The following CCDC39 variants were observed in gnomAD, a reference collection of about 807,000 sequenced individuals.
CCDC39 encodes coiled-coil domain-containing protein 39.
In CCDC39, 113 loss-of-function variants were observed where a neutral mutation model predicts 121.0. The ratio of observed to expected loss-of-function variants is 0.93; its 90% CI spans 0.80 to 1.09. CCDC39 has a LOEUF of 1.09. Ranked by LOEUF, CCDC39 falls within the 50% of genes least tolerant of loss-of-function variation. The pLI, the probability that CCDC39 is intolerant of heterozygous loss-of-function variation, is 0.00. For synonymous variants in CCDC39, 349 were observed against 352.2 expected (o/e 0.99, Z 0.10); for missense variants, 1,063 against 1,074.7 (o/e 0.99, Z 0.15).
intron 13 of CCDC39, among the ~76,000 whole-genome samples, chr3:180,637,783 G>A (rs910439649): frequency 1.1e-4 from 16 of 152,050 alleles, no homozygotes; most frequent in African/African-American, 2.2e-4. Flanking sequence ...TCATGGGAAC[G>A]TGGATGGAGC....
intron 2 of CCDC39, among the ~76,000 whole-genome samples, chr3:180,662,795 T>C (rs1260667673): frequency 6.6e-6 from 1 of 152,204 alleles, no homozygotes; most frequent in Non-Finnish European, 1.5e-5. Flanking sequence ...AACTTTCTAA[T>C]AAGACTTGTA....
Position 180,654,774 on chromosome 3 carries a change from C to T in CCDC39, c.918G>A (p.Gln306=). The change falls in exon 7 of 20, where the codon CAG becomes CAA. Residue 306 remains glutamine, a synonymous_variant. Transcript: ENST00000476379. ...TGAGTTGACATACCTCACCCTTCAGCTGAATTCTACTAGTTTCATGGTCCT... is the reference window on the plus strand; with the variant it reads ...TGAGTTGACATACCTCACCCTTCAGTTGAATTCTACTAGTTTCATGGTCCT... The part of the protein sequence containing the change: ...AYQDHETSRI[Q]LKGELDSLKA... 3.1e-6 allele frequency: 5 copies of T among 1,606,662 alleles called. No individual in the cohort carries two copies. The highest frequency in any genetic ancestry group is 4.2e-6 in the Non-Finnish European group (5 of 1,176,494).
At chr3:180,626,350 C>T (rs1560082432) in intron 14 of CCDC39, among the ~76,000 whole-genome samples, 1 of 152,024 alleles carries the variant, frequency 6.6e-6, no homozygotes, top group Admixed American at 6.5e-5. Context: ...CTTGGTAATA[C>T]CTTTAAGGAG....
chr3:180,624,561 T>C (rs1717513500), intron 14 of CCDC39, among the ~76,000 whole-genome samples: 1 of 152,190 alleles, frequency 6.6e-6, no homozygotes, highest in South Asian at 2.1e-4. Context: ...TCTTCCTCTT[T>C]TGTGTGTTTG....
intron 2 of CCDC39, among the ~76,000 whole-genome samples, chr3:180,662,230 A>T (rs987190287): frequency 2.6e-5 from 4 of 152,264 alleles, no homozygotes; most frequent in African/African-American, 9.6e-5. Context: ...TGCTAGGAGA[A>T]AATACTGTCA....
chr3:180,647,905 T>C (rs1277081258), intron 10 of CCDC39, among the ~76,000 whole-genome samples: 1 of 152,028 alleles, frequency 6.6e-6, no homozygotes, highest in Non-Finnish European at 1.5e-5. Flanking sequence ...TGGATGCAAA[T>C]GTCTCAGGTT....
intron 14 of CCDC39, among the ~76,000 whole-genome samples, chr3:180,631,043 C>T (rs1472694749): frequency 6.6e-6 from 1 of 152,122 alleles, no homozygotes; most frequent in Non-Finnish European, 1.5e-5. Flanking sequence ...ACATGCATAC[C>T]AAAGACACTT....
At chr3:180,652,382 G>T in intron 7 of CCDC39, 116 bp from the exon 8 acceptor site, 1 of 523,974 alleles carries the variant, frequency 1.9e-6, no homozygotes, top group South Asian at 3.5e-5. Context: ...ACCCACAAAA[G>T]TAGTAGCCAT....
intron 11 of CCDC39, among the ~76,000 whole-genome samples, chr3:180,646,762 C>A (rs1409359102): frequency 6.6e-6 from 1 of 151,994 alleles, no homozygotes; most frequent in Non-Finnish European, 1.5e-5. Flanking sequence ...TCCTAGCTCT[C>A]TGTGTACTAG....
chr3:180,662,085 A>T, intron 2 of CCDC39, 78 bp from the exon 3 acceptor site: 1 of 1,367,480 alleles, frequency 7.3e-7, no homozygotes, highest in South Asian at 1.4e-5. Flanking sequence ...ATAATCCATT[A>T]GATTAAAACA....
intron 1 of CCDC39, among the ~76,000 whole-genome samples, chr3:180,668,917 T>C (rs1174069201): frequency 6.6e-6 from 1 of 152,208 alleles, no homozygotes; most frequent in Non-Finnish European, 1.5e-5. Context: ...TGGTGATTTT[T>C]ATGTTTTGTG....
chr3:180,617,657 A>G, intron 16 of CCDC39: 1 of 399,734 alleles, frequency 2.5e-6, no homozygotes, highest in Non-Finnish European at 4.4e-6. Context: ...CTTAGAGAAT[A>G]AGGATATAAA....
chr3:180,616,455 C>T (rs1219856934), intron 18 of CCDC39, 61 bp downstream of exon 18: 2 of 1,497,806 alleles, frequency 1.3e-6, no homozygotes, highest in Non-Finnish European at 1.8e-6. Context: ...TGATGAATGT[C>T]ATGAAAGTTT....
At chr3:180,624,978 C>A (rs1268525320) in intron 14 of CCDC39, among the ~76,000 whole-genome samples, 6 of 152,046 alleles carry the variant, frequency 3.9e-5, no homozygotes, top group African/African-American at 1.4e-4. Context: ...TGACTTTAGA[C>A]ATTCTGATTA....
intron 1 of CCDC39, among the ~76,000 whole-genome samples, chr3:180,674,269 GCT>G (rs1459409528): frequency 6.6e-6 from 1 of 151,914 alleles, no homozygotes; most frequent in Middle Eastern, 3.2e-3. Context: ...TCATGATTTG[GCT>G]CTCTGTTTGT....
chr3:180,659,421 G>T (rs1262177263), intron 6 of CCDC39, 31 bp downstream of exon 6: 2 of 1,607,676 alleles, frequency 1.2e-6, no homozygotes, highest in African/African-American at 1.3e-5. Context: ...AAATGCAGCT[G>T]AACATTACAA....
chr3:180,668,149 G>A (rs906934787), intron 1 of CCDC39, among the ~76,000 whole-genome samples: 8 of 152,090 alleles, frequency 5.3e-5, no homozygotes, highest in Non-Finnish European at 8.8e-5. Flanking sequence ...AGGCCAAGGC[G>A]GACAGATCAC....
rs78446907 is a variant in CCDC39, at chr3:180,631,251, A to ATATAGAATG, written c.1998+209_1998+217dup. Among the ~76,000 whole-genome samples, 27,533 of 152,080 alleles carry ATATAGAATG rather than the reference A, an allele frequency of 0.18. 2,651 individuals are homozygous for ATATAGAATG. The highest frequency in any genetic ancestry group is 0.21 in the Non-Finnish European group (14,153 of 67,930). On this transcript the variant is annotated intron_variant, in intron 14 of 19. Coordinates refer to ENST00000476379, the MANE Select transcript of CCDC39 (RefSeq NM_181426.2). ...GTGCTTGACCTCACGGACTAGAGGTATATAGAATGAATACTGCTTTCAGTA... is the reference window on the plus strand; with the variant it reads ...GTGCTTGACCTCACGGACTAGAGGTATATAGAATGTATAGAATGAATACTGCTTTCAGTA...
At position 180,616,648 on chromosome 3, in the gene CCDC39, A is replaced by G. The variant is rs752482127; in HGVS notation, c.2454T>C (p.Asp818=). 2.5e-6 allele frequency: 4 copies of G among 1,593,876 alleles called. No homozygotes were observed. The highest frequency in any genetic ancestry group is 2.6e-6 in the Non-Finnish European group (3 of 1,168,684). ...TGATGTCTTGTTCTTCCATTGTTTC[A>G]TCTTTTGTGTCTTTCAAAAGACGGA... is the stretch of plus-strand genomic sequence containing the variant. ...KEIRLLKDTK[D]ETMEEQDIKL... The change falls in exon 18 of 20, where the codon GAT becomes GAC. Residue 818 remains aspartate (D), a synonymous_variant. Coordinates refer to ENST00000476379, the MANE Select transcript of CCDC39 (RefSeq NM_181426.2).
Sources: gnomAD v4.1 joint callset for allele counts (sites outside exome capture counted in the v4.1 genomes callset) on GRCh38, gnomAD v4.1.1 for gene constraint, MANE v1.5 for transcripts, NCBI Gene and HGNC (gene_info 2026-07-23, HGNC 2026-07-21) for gene names.